Variants in GPHN observed in about 807,000 individuals in gnomAD.
GPHN encodes gephyrin.
In GPHN, 17 loss-of-function variants were observed where a neutral mutation model predicts 95.5. The ratio of observed to expected loss-of-function variants is 0.18; its 90% CI spans 0.12 to 0.27. The LOEUF (loss-of-function observed/expected upper bound fraction) is 0.27. Ranked by LOEUF, GPHN falls within the 10% of genes least tolerant of loss-of-function variation. The pLI is 1.00. For synonymous variants in GPHN, 320 were observed against 322.5 expected, an observed-to-expected ratio of 0.99 and a Z score of 0.08; for missense variants, 660 against 978.1, an observed-to-expected ratio of 0.67 and a Z score of 4.34.
At chr14:66,666,928 C>CT (rs2065995976) in intron 1 of GPHN, among the ~76,000 whole-genome samples, 1 of 152,186 alleles carries the variant, frequency 6.6e-6, no homozygotes, top group Non-Finnish European at 1.5e-5. Context: ...TGATAAGCAA[C>CT]TTTAGCAAAG....
intron 2 of GPHN, among the ~76,000 whole-genome samples, chr14:66,722,324 C>T (rs1332314755): frequency 2.0e-5 from 3 of 152,078 alleles, no homozygotes; most frequent in Non-Finnish European, 4.4e-5. Flanking sequence ...TGGGGGAAAA[C>T]CCTTTCACGA....
intron 10 of GPHN, among the ~76,000 whole-genome samples, chr14:67,046,449 GA>G (rs1293462807): frequency 6.6e-6 from 1 of 152,112 alleles, no homozygotes; most frequent in African/African-American, 2.4e-5. Context: ...CTGAGTGATG[GA>G]ATAATGAGAG....
the GPHN span, among the ~76,000 whole-genome samples, chr14:67,496,738 CTT>C: frequency 1.4e-5 from 2 of 144,704 alleles, no homozygotes; most frequent in Admixed American, 7.1e-5. Flanking sequence ...CTCTCTCTCT[CTT>C]TCTTTCCTTC....
the GPHN span, among the ~76,000 whole-genome samples, chr14:67,670,697 T>C: frequency 3.8e-4 from 58 of 152,072 alleles, 1 homozygote; most frequent in Admixed American, 1.3e-4. Context: ...CCCAGCTAAT[T>C]TTTGTATTTT....
intron 13 of GPHN, among the ~76,000 whole-genome samples, chr14:67,104,912 C>A (rs1432539848): frequency 6.6e-6 from 1 of 151,832 alleles, no homozygotes; most frequent in Non-Finnish European, 1.5e-5. Flanking sequence ...CTTTTCTAAT[C>A]CCTTGAGATA....
chr14:66,692,113 G>A (rs1427894061), intron 2 of GPHN, among the ~76,000 whole-genome samples: 3 of 152,132 alleles, frequency 2.0e-5, no homozygotes, highest in African/African-American at 4.8e-5. Flanking sequence ...ATGCAAATAG[G>A]TTAAGGATTA....
intron 4 of GPHN, among the ~76,000 whole-genome samples, chr14:66,839,086 G>C (rs1453877423): frequency 6.6e-6 from 1 of 152,196 alleles, no homozygotes; most frequent in Non-Finnish European, 1.5e-5. Context: ...AACCATTTTA[G>C]ATATTTATTA....
chr14:67,198,877 TG>T, the GPHN span: 3 of 668,754 alleles, frequency 4.5e-6, no homozygotes, highest in Admixed American at 4.2e-5. Flanking sequence ...ATGAGTTCAA[TG>T]ATAGGGGTCA....
chr14:67,349,797 C>T, the GPHN span, among the ~76,000 whole-genome samples: 3 of 152,208 alleles, frequency 2.0e-5, no homozygotes, highest in Non-Finnish European at 4.4e-5. Flanking sequence ...GATCTCCACC[C>T]TCTGCTAGAA....
chr14:67,195,112 C>T, the GPHN span, among the ~76,000 whole-genome samples: 587 of 152,334 alleles, frequency 3.9e-3, 6 homozygotes, highest in African/African-American at 0.013. Flanking sequence ...TTAGCACACA[C>T]TTCTCAGCTA....
chr14:66,838,605 T>G (rs2061954876), intron 4 of GPHN, among the ~76,000 whole-genome samples: 1 of 152,044 alleles, frequency 6.6e-6, no homozygotes, highest in Admixed American at 6.6e-5. Context: ...GCTAAGAAAT[T>G]AACAACAAAA....
At chr14:67,708,243 CG>C in the GPHN span, among the ~76,000 whole-genome samples, 1 of 152,104 alleles carries the variant, frequency 6.6e-6, no homozygotes, top group East Asian at 1.9e-4. Flanking sequence ...GGATCAGCAA[CG>C]TTTTAAGCAA....
At chr14:66,765,877 T>C (rs1276999852) in intron 2 of GPHN, among the ~76,000 whole-genome samples, 1 of 152,222 alleles carries the variant, frequency 6.6e-6, no homozygotes, top group Non-Finnish European at 1.5e-5. Context: ...TCAGCTGATA[T>C]GTACTAGTTC....
intron 2 of GPHN, among the ~76,000 whole-genome samples, chr14:66,763,121 G>A (rs1407387756): frequency 6.6e-6 from 1 of 151,668 alleles, no homozygotes; most frequent in Non-Finnish European, 1.5e-5. Context: ...ACATCCATGG[G>A]CTCCACATCT....
At chr14:67,204,505 T>C in the GPHN span, 1 of 1,590,754 alleles carries the variant, frequency 6.3e-7, no homozygotes, top group Non-Finnish European at 8.6e-7. Flanking sequence ...CCATCAGGTC[T>C]CCAGATGATG....
intron 1 of GPHN, among the ~76,000 whole-genome samples, chr14:66,572,661 T>G (rs566834367): frequency 1.3e-5 from 2 of 152,180 alleles, no homozygotes; most frequent in African/African-American, 2.4e-5. Flanking sequence ...CTTTTTTTTT[T>G]GTAGAGTTTA....
intron 4 of GPHN, among the ~76,000 whole-genome samples, chr14:66,854,571 A>G (rs1158236334): frequency 1.3e-5 from 2 of 152,204 alleles, no homozygotes; most frequent in Non-Finnish European, 2.9e-5. Context: ...ATTTAGGACA[A>G]CTGATTCTTT....
chr14:66,545,691 A>G (rs2059551951), intron 1 of GPHN, among the ~76,000 whole-genome samples: 1 of 125,792 alleles, frequency 7.9e-6, no homozygotes, highest in Non-Finnish European at 1.6e-5. Context: ...GGCCGGGCAG[A>G]GGCGCCCCTC....
At chr14:67,173,564 C>G (rs745611468) in intron 21 of GPHN, among the ~76,000 whole-genome samples, 4 of 152,146 alleles carry the variant, frequency 2.6e-5, no homozygotes, top group African/African-American at 9.7e-5. Context: ...AAATGAAAGA[C>G]TTTTTCTATG....
Sources: allele counts gnomAD v4.1 joint callset (sites outside exome capture counted in the v4.1 genomes callset), GRCh38; gene constraint gnomAD v4.1.1; transcripts MANE v1.5; gene names NCBI Gene and HGNC (gene_info 2026-07-23, HGNC 2026-07-21).